RPS6KA2: variants seen among roughly 807,000 people sequenced by gnomAD.
The protein encoded by RPS6KA2 is ribosomal protein S6 kinase alpha-2.
In RPS6KA2, 42 loss-of-function variants were observed where a neutral mutation model predicts 91.8. The ratio of observed to expected loss-of-function variants is 0.46; its 90% CI spans 0.36 to 0.59. The LOEUF is 0.59. RPS6KA2 is among the 20% of genes least tolerant of loss of function. RPS6KA2 has a pLI of 0.00. For missense variants in RPS6KA2, 798 were observed against 978.5 expected, an observed-to-expected ratio of 0.82 and a Z score of 2.46; for synonymous variants, 414 against 393.6, an observed-to-expected ratio of 1.05 and a Z score of -0.61.
intron 3 of RPS6KA2, among the ~76,000 whole-genome samples, chr6:166,523,038 G>A (rs573904401): frequency 1.3e-5 from 2 of 152,028 alleles, no homozygotes; most frequent in East Asian, 1.9e-4. Flanking sequence ...CACTGCAGAG[G>A]TATTAAAGAT....
Position 166,637,038 on chromosome 6 carries a change from C to T in RPS6KA2, c.124-98254G>A, listed in dbSNP as rs141947286. On this transcript the variant is annotated intron_variant, in intron 2 of 21. Transcript: ENST00000503859. ...ATTCGGCAGCATCTGTGCTGAGCAC[C>T]CTTCCTCTCCACCACCTAAAGGGCT... 5.0e-3 allele frequency among the ~76,000 whole-genome samples: 757 copies of T among 152,308 alleles called. 1 individual carries two copies. The highest frequency in any genetic ancestry group is 8.1e-3 in the Non-Finnish European group (551 of 68,026).
intron 2 of RPS6KA2, among the ~76,000 whole-genome samples, chr6:166,692,623 T>C (rs990376547): frequency 7.9e-5 from 12 of 152,116 alleles, no homozygotes; most frequent in Non-Finnish European, 1.6e-4. Context: ...TTAAGTAAAA[T>C]ATTAAGAAAT....
At chr6:166,741,246 G>A (rs1790805284) in intron 2 of RPS6KA2, among the ~76,000 whole-genome samples, 7 of 152,192 alleles carry the variant, frequency 4.6e-5, no homozygotes, top group Admixed American at 4.6e-4. Flanking sequence ...GGATAAGAAG[G>A]TTTGCACACG....
At chr6:166,481,950 C>T (rs1413844963) in intron 10 of RPS6KA2, among the ~76,000 whole-genome samples, 2 of 151,552 alleles carry the variant, frequency 1.3e-5, no homozygotes, top group African/African-American at 4.9e-5. Flanking sequence ...GAGTGGAGGC[C>T]TCTGCTGAGT....
At chr6:166,826,560 GT>G (rs1471378458) in intron 2 of RPS6KA2, among the ~76,000 whole-genome samples, 2 of 152,188 alleles carry the variant, frequency 1.3e-5, no homozygotes, top group Non-Finnish European at 2.9e-5. Context: ...GATTAGTTGG[GT>G]AAATCACTGT....
chr6:166,594,514 G>C (rs556328388), intron 1 of RPS6KA2, among the ~76,000 whole-genome samples: 200 of 152,228 alleles, frequency 1.3e-3, no homozygotes, highest in African/African-American at 4.6e-3. Flanking sequence ...CCAGGCTGGA[G>C]TGCAGTGGCG....
chr6:166,580,492 G>C (rs941303144), intron 1 of RPS6KA2, among the ~76,000 whole-genome samples: 1 of 152,224 alleles, frequency 6.6e-6, no homozygotes, highest in African/African-American at 2.4e-5. Context: ...GAAAAGAAAG[G>C]TGAGTGCATA....
At chr6:166,790,924 G>T (rs1460221781) in intron 2 of RPS6KA2, among the ~76,000 whole-genome samples, 4 of 152,258 alleles carry the variant, frequency 2.6e-5, no homozygotes, top group African/African-American at 9.6e-5. Context: ...AAAATGTAAA[G>T]ACCATCAAGG....
At chr6:166,860,631 C>T (rs565648455) in intron 1 of RPS6KA2, among the ~76,000 whole-genome samples, 45 of 152,252 alleles carry the variant, frequency 3.0e-4, no homozygotes, top group African/African-American at 9.4e-4. Context: ...GAGCCCAGGG[C>T]GGAATCCTCC....
intron 2 of RPS6KA2, among the ~76,000 whole-genome samples, chr6:166,790,460 C>A (rs1779054021): frequency 6.6e-6 from 1 of 152,110 alleles, no homozygotes; most frequent in South Asian, 2.1e-4. Flanking sequence ...TCCAGGAGAA[C>A]TTCCCCAATC....
Position 166,626,896 on chromosome 6 carries a change from C to T in RPS6KA2, c.99+25G>A. On this transcript the variant is annotated intron_variant, in intron 1 of 20. Transcript: ENST00000265678. The surrounding 1 kb of genome is among the most constrained non-coding windows in gnomAD (Gnocchi z 4.1). The stretch of plus-strand genomic sequence containing the variant: ...CGGCCCGCTCAGTGCCCGGCACCTG[C>T]GCGCCCCGAGGGCGGCCGCATTACC... The T allele has an allele frequency of 1.4e-6, 2 of 1,465,952 alleles. No homozygotes were observed. The highest frequency in any genetic ancestry group is 1.8e-6 in the Non-Finnish European group (2 of 1,101,444). 90.8% of individuals were successfully genotyped at this position (1,465,952 alleles called of 1,614,324 possible).
rs1437121259 is a variant in RPS6KA2, at chr6:166,849,894, G to A, written c.123+8306C>T. ...GTGAGACACCGGGTTCAGGGACCAG[G>A]GGCACTCATGCCTGGCTCCGCTGTG... On this transcript the variant is annotated intron_variant, in intron 2 of 21. Coordinates refer to the RPS6KA2 transcript ENST00000503859. The surrounding 1 kb of genome is among the most constrained non-coding windows in gnomAD (Gnocchi z 4.9). 3.3e-5 allele frequency among the ~76,000 whole-genome samples: 5 copies of A among 152,194 alleles called. No individual in the cohort carries two copies. The highest frequency in any genetic ancestry group is 7.3e-5 in the Non-Finnish European group (5 of 68,036).
chr6:166,522,773 C>T (rs1014163968), intron 3 of RPS6KA2, among the ~76,000 whole-genome samples: 5 of 152,158 alleles, frequency 3.3e-5, no homozygotes, highest in Non-Finnish European at 5.9e-5. Context: ...CACGAGCCAT[C>T]GTGTGGCTAA....
At position 166,852,731 on chromosome 6, in the gene RPS6KA2, G is replaced by C. The variant is rs531182308; in HGVS notation, c.123+5469C>G. On this transcript the variant is annotated intron_variant, in intron 2 of 21. Transcript: ENST00000503859. This position sits in a 1 kb window ranked among gnomAD's most constrained non-coding sequence, Gnocchi z 4.1. ...CTGACACGCTCAGGAGCTCATCCCT[G>C]AGCGCCCACAGGCCCCTGGATGTCC... Among the ~76,000 whole-genome samples the C allele has an allele frequency of 1.3e-5, 2 of 152,230 alleles. No individual in the cohort carries two copies. The highest frequency in any genetic ancestry group is 3.9e-4 in the East Asian group (2 of 5,164).
chr6:166,820,467 GTGTGAAGGTAGT>G (rs1779880810), intron 2 of RPS6KA2, among the ~76,000 whole-genome samples: 1 of 88,212 alleles, frequency 1.1e-5, no homozygotes, highest in South Asian at 4.5e-4. Flanking sequence ...GAGAAGCCTT[GTGTGAAGGTAGT>G]TGTCTTGGGA....
chr6:166,429,309 G>C, intron 16 of RPS6KA2, among the ~76,000 whole-genome samples: 1 of 92,892 alleles, frequency 1.1e-5, no homozygotes, highest in African/African-American at 4.2e-5. Flanking sequence ...GGGGGGGAGG[G>C]ATAGCATTAG....
chr6:166,698,471 G>T (rs1789416895), intron 2 of RPS6KA2, among the ~76,000 whole-genome samples: 1 of 152,150 alleles, frequency 6.6e-6, no homozygotes, highest in Non-Finnish European at 1.5e-5. Context: ...TAGGGCTATG[G>T]TCAGAATAAA....
chr6:166,673,615 A>G (rs541623727), intron 2 of RPS6KA2, among the ~76,000 whole-genome samples: 3 of 152,226 alleles, frequency 2.0e-5, no homozygotes, highest in Non-Finnish European at 2.9e-5. Context: ...AAAAGTTTGC[A>G]AACTCTAAAC....
At chr6:166,460,290 C>A (rs1172213584) in intron 11 of RPS6KA2, among the ~76,000 whole-genome samples, 1 of 152,240 alleles carries the variant, frequency 6.6e-6, no homozygotes, top group Non-Finnish European at 1.5e-5. Flanking sequence ...CTCAGAGCTG[C>A]CTGCCTGACA....
Sources: allele counts gnomAD v4.1 joint callset (sites outside exome capture counted in the v4.1 genomes callset), GRCh38; gene constraint gnomAD v4.1.1; non-coding constraint Gnocchi (gnomAD v3.1); transcripts MANE v1.5; gene names NCBI Gene and HGNC (gene_info 2026-07-23, HGNC 2026-07-21).